ULK1: variants seen among roughly 807,000 people sequenced by gnomAD.
ULK1 encodes serine/threonine-protein kinase ULK1.
ULK1 carries 48 observed loss-of-function variants against 117.5 expected under a neutral mutation model. That is an observed-to-expected ratio of 0.41 (90% CI 0.32 to 0.52). The LOEUF is 0.52. Among genes scored for constraint, ULK1 ranks in the 20% least tolerant of loss-of-function variants. The pLI, the probability that ULK1 is intolerant of heterozygous loss-of-function variation, is 0.29. For synonymous variants in ULK1, 790 were observed against 637.8 expected (o/e 1.24, Z -3.60); for missense variants, 1,387 against 1,473.4 (o/e 0.94, Z 0.96).
At chr12:131,917,585 CT>C (rs1414126423) in intron 22 of ULK1, 31 bp downstream of exon 22, 4 of 1,361,834 alleles carry the variant, frequency 2.9e-6, no homozygotes, top group Non-Finnish European at 3.8e-6. Flanking sequence ...AGCCCTGTCC[CT>C]TTTGGGGTGG....
chr12:131,917,832 AC>A (rs910330433), intron 22 of ULK1, among the ~76,000 whole-genome samples: 6 of 152,188 alleles, frequency 3.9e-5, no homozygotes, highest in Admixed American at 2.0e-4. Flanking sequence ...GTGAGCAGGG[AC>A]GGTGTCTGGA....
Position 131,916,480 on chromosome 12 carries a change from C to T in ULK1, c.1961C>T (p.Thr654Met), listed in dbSNP as rs370536132. ...CTAGCCCGGCAGGGCGTGGTGATGA[C>T]GCCCCCTCGAAACCGGACGCTGCCC... ...ALLARQGVVM[T>M]PPRNRTLPDL... The change falls in exon 20 of 28, where the codon ACG (threonine) becomes ATG (methionine). Residue 654 changes from threonine (T) to methionine (M), a missense_variant. Coordinates refer to ENST00000321867, the MANE Select transcript of ULK1 (RefSeq NM_003565.4). 122 of 1,612,160 alleles carry T rather than the reference C, an allele frequency of 7.6e-5. 1 individual carries two copies. The highest frequency in any genetic ancestry group is 4.9e-4 in the Middle Eastern group (3 of 6,078).
Position 131,910,749 on chromosome 12 carries a change from G to GTCCGGCAGCAGC in ULK1, c.901_912dup (p.Gly301_Ser304dup). On this transcript the variant is annotated inframe_insertion, in exon 12 of 28. Transcript: ENST00000321867. The stretch of plus-strand genomic sequence containing the variant: ...CTGTGCCCTCGTACCCAAGCTCGGG[G>GTCCGGCAGCAGC]TCCGGCAGCAGCTCCAGCAGCAGCT... 1 of 1,612,852 alleles carries GTCCGGCAGCAGC rather than the reference G, an allele frequency of 6.2e-7. No individual in the cohort carries two copies. Among genetic ancestry groups the GTCCGGCAGCAGC allele is most frequent in the Non-Finnish European group, 8.5e-7 (1 of 1,179,896 alleles).
At position 131,915,398 on chromosome 12, in the gene ULK1, G is replaced by A. The variant is rs781283537; in HGVS notation, c.1586G>A (p.Arg529Gln). The A allele has an allele frequency of 1.6e-5, 25 of 1,612,588 alleles. No individual in the cohort carries two copies. The highest frequency in any genetic ancestry group is 6.6e-5 in the South Asian group (6 of 91,086). ...CCCTCCCCACAGGGAGCTGAGATGC[G>A]GGGTGGCAGGTCCCCTCGTCCAGGT... ...GTPSPQGAEM[R>Q]GGRSPRPGSS... The change falls in exon 18 of 28, where the codon CGG (arginine) becomes CAG (glutamine). Residue 529 changes from arginine to glutamine, a missense_variant. By Grantham distance (43) the Arg-to-Gln change is conservative. Around this residue, in one of 4 missense-constraint regions of ULK1, gnomAD observed 900 missense variants for 858.9 expected, o/e 1.05. Coordinates refer to ENST00000321867, the MANE Select transcript of ULK1 (RefSeq NM_003565.4).
chr12:131,905,733 C>A (rs11246868), intron 3 of ULK1, among the ~76,000 whole-genome samples: 623 of 152,298 alleles, frequency 4.1e-3, no homozygotes, highest in Non-Finnish European at 7.2e-3. Flanking sequence ...GAGGACTCGT[C>A]CCTGTGGCTG....
chr12:131,913,733 C>A lies in ULK1; in HGVS notation c.1158-14C>A. 6.7e-7 allele frequency: 1 copy of A among 1,498,082 alleles called. No individual in the cohort carries two copies. Among genetic ancestry groups the A allele is most frequent in the South Asian group, 1.3e-5 (1 of 76,680 alleles). 92.8% of individuals were successfully genotyped at this position (1,498,082 alleles called of 1,614,324 possible). On this transcript the variant is annotated splice_polypyrimidine_tract_variant and intron_variant, in intron 14 of 27. Coordinates refer to ENST00000321867, the MANE Select transcript of ULK1 (RefSeq NM_003565.4). The stretch of plus-strand genomic sequence containing the variant: ...AAACAAAAAAATGCCCTTGGCCTCC[C>A]TTCTGCCCCACAGGAGCTCACTGGT...
rs1246783301 is a variant in ULK1 at position 131,919,487 on chromosome 12, G to A, written c.2700G>A (p.Leu900=). The change falls in exon 25 of 28, where the codon CTG becomes CTA. Residue 900 remains leucine, a synonymous_variant. Coordinates refer to ENST00000321867, the MANE Select transcript of ULK1 (RefSeq NM_003565.4). ...CCGCCCCCAGCTTCGCGGAACAGCT[G>A]GTGCTGTACCTGAAGGTGGCCGAGC... is the stretch of plus-strand genomic sequence containing the variant. ...LSREWGFAEQ[L]VLYLKVAELL... 1.2e-6 allele frequency: 2 copies of A among 1,611,578 alleles called. No homozygotes were observed. Among genetic ancestry groups the A allele is most frequent in the South Asian group, 1.1e-5 (1 of 91,072 alleles).
Position 131,916,609 on chromosome 12 carries a change from G to A in ULK1, c.2072+18G>A. 1 of 1,542,466 alleles carries A rather than the reference G, an allele frequency of 6.5e-7. No individual in the cohort carries two copies. The highest frequency in any genetic ancestry group is 8.7e-7 in the Non-Finnish European group (1 of 1,151,526). ...TTTGGCCGGTGAGTTGAGGGGACAG[G>A]CCTTGGACGGGCTTCTGAGGGGCAG... On this transcript the variant is annotated intron_variant, in intron 20 of 27. Transcript: ENST00000321867.
rs906543284 is a variant in ULK1 at position 131,903,299 on chromosome 12, G to C, written c.247-3593G>C. ...GAGACAGCAAGGCTAGGTCCTTCCG[G>C]GGACACAGAGGGTGACTGGCTTGGC... On this transcript the variant is annotated intron_variant, in intron 3 of 27. Transcript: ENST00000321867. This position sits in a 1 kb window ranked among gnomAD's most constrained non-coding sequence, Gnocchi z 6.0. Among the ~76,000 whole-genome samples the C allele has an allele frequency of 2.6e-5, 4 of 152,196 alleles. No homozygotes were observed. The highest frequency in any genetic ancestry group is 5.9e-5 in the Non-Finnish European group (4 of 68,024).
chr12:131,914,318 T>G, intron 15 of ULK1, 34 bp from the exon 16 acceptor site: 1 of 1,601,536 alleles, frequency 6.2e-7, no homozygotes, highest in Non-Finnish European at 8.5e-7. Flanking sequence ...GTGACCCCAG[T>G]GTCTGTCATG....
rs747382258 is a variant in ULK1, at chr12:131,895,861, C to T, written c.246+37C>T. ...GGGCTGCGGTCTGCTGGGGACCGGG[C>T]TGGGGGACTGTGGCCCCAGGTGCTG... On this transcript the variant is annotated intron_variant, in intron 3 of 27. Coordinates refer to ENST00000321867, the MANE Select transcript of ULK1 (RefSeq NM_003565.4). The T allele has an allele frequency of 1.9e-6, 3 of 1,612,978 alleles. No homozygotes were observed. The South Asian group carries it at 3.3e-5, about 18-fold the overall frequency.
At chr12:131,915,853 C>A (rs377661051) in intron 18 of ULK1, 38 bp from the exon 19 acceptor site, 1 of 1,602,508 alleles carries the variant, frequency 6.2e-7, no homozygotes, top group South Asian at 1.1e-5. Flanking sequence ...GCTGGGCCGC[C>A]GGACCGGAAG....
At chr12:131,912,130 C>T (rs374462832) in intron 13 of ULK1, 41 bp downstream of exon 13, 115 of 1,585,000 alleles carry the variant, frequency 7.3e-5, no homozygotes, top group Admixed American at 1.1e-4. Flanking sequence ...GCCTCAGGTG[C>T]GGCGGGGACA....
Position 131,917,110 on chromosome 12 carries a change from CTGTGGGATGGGGG to C in ULK1, c.2182+50_2182+62del, listed in dbSNP as rs755814069. Reference sequence around the variant, plus strand: ...GAGGCTGTGGGATGGGGGTCGGAGGCTGTGGGATGGGGGTCGGAGGCTGTGGGATGGGGGTCGG... The same window carrying C: ...GAGGCTGTGGGATGGGGGTCGGAGGCTCGGAGGCTGTGGGATGGGGGTCGG... On this transcript the variant is annotated intron_variant, in intron 21 of 27. Coordinates refer to ENST00000321867, the MANE Select transcript of ULK1 (RefSeq NM_003565.4). 195 of 802,214 alleles carry C rather than the reference CTGTGGGATGGGGG, an allele frequency of 2.4e-4. 28 individuals are homozygous for C. Among genetic ancestry groups the C allele is most frequent in the Admixed American group, 3.1e-4 (10 of 31,956 alleles). The allele number at this position is 802,214 out of a possible 1,614,324, so 49.7% of individuals were successfully genotyped here.
At position 131,920,009 on chromosome 12, in the gene ULK1, C is replaced by T. The variant is rs772242770; in HGVS notation, c.2834C>T (p.Ala945Val). Residue 945 changes from alanine to valine, a missense_variant, in exon 26 of 28, where the codon GCC becomes GTC. Ala to Val is a moderately conservative substitution (Grantham distance 64). Transcript: ENST00000321867. ...CGCAGGCTGAATGAGCTGTACAAGG[C>T]CAGCGTGGTGTCCTGCCAGGGCCTG... The part of the protein sequence containing the change: ...VVRRLNELYK[A>V]SVVSCQGLSL... 6.2e-7 allele frequency: 1 copy of T among 1,612,824 alleles called. No homozygotes were observed. The highest frequency in any genetic ancestry group is 2.2e-5 in the East Asian group (1 of 44,890).
Position 131,917,506 on chromosome 12 carries a change from C to G in ULK1, c.2278C>G (p.Pro760Ala). ...SPVVFTVGSP[P>A]SGSTPPQGPR... ...GGTGGTCTTCACCGTGGGCTCTCCC[C>G]CGAGCGGGAGCACGCCCCCCCAGGG... Residue 760 changes from proline to alanine, a missense_variant, in exon 22 of 28, where the codon CCG becomes GCG. Pro to Ala is a conservative substitution (Grantham distance 27, BLOSUM62 -1). This residue lies in a region of ULK1 where 900 missense variants were observed against 858.9 expected (regional missense o/e 1.05). Coordinates refer to ENST00000321867, the MANE Select transcript of ULK1 (RefSeq NM_003565.4). 11 of 1,476,062 alleles carry G rather than the reference C, an allele frequency of 7.5e-6. No individual in the cohort carries two copies. The highest frequency in any genetic ancestry group is 9.9e-6 in the Non-Finnish European group (11 of 1,111,332). The allele number at this position is 1,476,062 out of a possible 1,614,324, so 91.4% of individuals were successfully genotyped here. A position where few individuals can be genotyped will look rare whatever the true frequency, so the allele number is the denominator to read the frequency against.
Position 131,910,009 on chromosome 12 carries a change from C to T in ULK1, c.808+8C>T. Reference sequence around the variant, plus strand: ...AGGACCGCATGGACTTCGGTGAGCACCCACCAGGGGCGCAGCTGGAGTCCC... The same window carrying T: ...AGGACCGCATGGACTTCGGTGAGCATCCACCAGGGGCGCAGCTGGAGTCCC... On this transcript the variant is annotated splice_region_variant and intron_variant, in intron 10 of 27. Coordinates refer to ENST00000321867, the MANE Select transcript of ULK1 (RefSeq NM_003565.4). 2 of 1,611,330 alleles carry T rather than the reference C, an allele frequency of 1.2e-6. No homozygotes were observed. Among genetic ancestry groups the T allele is most frequent in the South Asian group, 1.1e-5 (1 of 91,044 alleles).
chr12:131,912,698 G>A (rs573457115), intron 13 of ULK1, among the ~76,000 whole-genome samples: 40 of 152,374 alleles, frequency 2.6e-4, no homozygotes, highest in South Asian at 1.0e-3. Flanking sequence ...CTTCTGCGGG[G>A]GTGGTGAGGC....
At chr12:131,918,295 TG>T in intron 22 of ULK1, 2 of 637,634 alleles carry the variant, frequency 3.1e-6, no homozygotes, top group Non-Finnish European at 5.3e-6. Context: ...GCTGGGGACT[TG>T]GGGGTTGTGG....
Sources: allele counts gnomAD v4.1 joint callset (sites outside exome capture counted in the v4.1 genomes callset), GRCh38; gene constraint gnomAD v4.1.1; regional missense constraint gnomAD v4.1.1; non-coding constraint Gnocchi (gnomAD v3.1); transcripts MANE v1.5; gene names NCBI Gene and HGNC (gene_info 2026-07-23, HGNC 2026-07-21).